PIK3CB: variants seen among roughly 807,000 people sequenced by gnomAD.
PIK3CB encodes the protein phosphatidylinositol 4,5-bisphosphate 3-kinase catalytic subunit beta isoform.
In PIK3CB, 39 loss-of-function variants were observed where a neutral mutation model predicts 136.8. That is an observed-to-expected ratio of 0.29 (90% CI 0.22 to 0.37). PIK3CB has a LOEUF of 0.37. PIK3CB is among the 10% of genes least tolerant of loss of function. The pLI, the probability that PIK3CB is intolerant of heterozygous loss-of-function variation, is 1.00. For synonymous variants in PIK3CB, 428 were observed against 436.6 expected, an observed-to-expected ratio of 0.98 and a Z score of 0.25; for missense variants, 868 against 1,275.4, an observed-to-expected ratio of 0.68 and a Z score of 4.87.
chr3:138,828,184 CTTTTTT>C (rs1176715980), intron 1 of PIK3CB, among the ~76,000 whole-genome samples: 1 of 131,088 alleles, frequency 7.6e-6, no homozygotes, highest in East Asian at 2.1e-4. Flanking sequence ...ATTAAATTTC[CTTTTTT>C]TTTTTTTTTT....
At chr3:138,685,078 G>T in intron 16 of PIK3CB, 1 of 310,310 alleles carries the variant, frequency 3.2e-6, no homozygotes, top group Non-Finnish European at 6.0e-6. Flanking sequence ...TTAGATTATG[G>T]GTACTTAAGA....
intron 8 of PIK3CB, among the ~76,000 whole-genome samples, chr3:138,730,541 C>T (rs1219425686): frequency 6.6e-6 from 1 of 152,096 alleles, no homozygotes; most frequent in African/African-American, 2.4e-5. Context: ...TATATCGATA[C>T]CTATAAATTA....
intron 12 of PIK3CB, among the ~76,000 whole-genome samples, chr3:138,700,946 C>A (rs78871859): frequency 0.023 from 3,538 of 152,164 alleles, 325 homozygotes; most frequent in Admixed American, 0.17. Flanking sequence ...CCCCACAAAA[C>A]CTTTATTTAT....
At chr3:138,759,412 C>A (rs1398121115) in intron 2 of PIK3CB, 53 bp from the exon 3 acceptor site, 2 of 1,260,598 alleles carry the variant, frequency 1.6e-6, no homozygotes, top group African/African-American at 1.5e-5. Context: ...AAATTTTATA[C>A]CAAGATATGA....
At chr3:138,712,097 A>G (rs2044515460) in intron 10 of PIK3CB, 111 bp downstream of exon 10, 2 of 508,882 alleles carry the variant, frequency 3.9e-6, no homozygotes. Context: ...ATAATACAAA[A>G]TGATAATTTT....
intron 4 of PIK3CB, among the ~76,000 whole-genome samples, chr3:138,750,470 T>C (rs1239084973): frequency 6.6e-6 from 1 of 152,162 alleles, no homozygotes; most frequent in Non-Finnish European, 1.5e-5. Flanking sequence ...CAGTTCACAA[T>C]AGGATTCTTC....
intron 8 of PIK3CB, 88 bp downstream of exon 8, chr3:138,733,273 C>A: frequency 1.8e-6 from 1 of 546,670 alleles, no homozygotes; most frequent in South Asian, 2.9e-5. Context: ...GGGTAAAATT[C>A]AATCTCCAAT....
intron 1 of PIK3CB, among the ~76,000 whole-genome samples, chr3:138,807,613 G>A (rs1038216183): frequency 5.9e-5 from 9 of 152,118 alleles, no homozygotes; most frequent in Non-Finnish European, 7.4e-5. Flanking sequence ...TCCAGGTGTG[G>A]TGGGAACAGT....
At chr3:138,774,154 A>T (rs769124252) in intron 2 of PIK3CB, among the ~76,000 whole-genome samples, 2 of 152,242 alleles carry the variant, frequency 1.3e-5, no homozygotes, top group Non-Finnish European at 2.9e-5. Flanking sequence ...GTACAGTTCA[A>T]TGAATTTTTG....
At chr3:138,757,520 C>CACAG (rs1327367316) in intron 3 of PIK3CB, among the ~76,000 whole-genome samples, 1 of 125,252 alleles carries the variant, frequency 8.0e-6, no homozygotes, top group African/African-American at 2.9e-5. Flanking sequence ...CACACACACA[C>CACAG]AGAAAATATG....
Position 138,736,342 on chromosome 3 carries a change from G to C in PIK3CB, c.801+1365C>G, listed in dbSNP as rs560276550. On this transcript the variant is annotated intron_variant, in intron 6 of 23. Transcript: ENST00000674063. ...GGCCACACCAGAAACCTGAGAAGAG[G>C]TGTAACATCATGTTATCTGCTAATA... Among the ~76,000 whole-genome samples, 3 of 152,266 alleles carry C rather than the reference G, an allele frequency of 2.0e-5. No individual in the cohort carries two copies. The South Asian group carries it at 6.2e-4, about 32-fold the overall frequency.
At chr3:138,710,310 C>T (rs1012155252) in intron 10 of PIK3CB, among the ~76,000 whole-genome samples, 2 of 152,126 alleles carry the variant, frequency 1.3e-5, no homozygotes, top group African/African-American at 4.8e-5. Flanking sequence ...AGGACACACA[C>T]ACACACACTA....
In PIK3CB at chr3:138,796,538, A is replaced by T. The variant is rs1373489939; in HGVS notation, c.-92T>A. The T allele has an allele frequency of 6.6e-6, 1 of 152,150 alleles. No homozygotes were observed. Among genetic ancestry groups the T allele is most frequent in the East Asian group, 1.9e-4 (1 of 5,202 alleles). The allele number at this position is 152,150 out of a possible 1,614,324, so 9.4% of individuals were successfully genotyped here. The stretch of plus-strand genomic sequence containing the variant: ...CTTATTTTTTAAAAGTGACGTTTTC[A>T]TGGAAGACTTTTTCCAGTTAAAACA... On this transcript the variant is annotated 5_prime_UTR_variant, in exon 2 of 24. It removes an upstream start codon present in the reference 5' UTR. Coordinates refer to ENST00000674063, the MANE Select transcript of PIK3CB (RefSeq NM_006219.3).
intron 8 of PIK3CB, among the ~76,000 whole-genome samples, chr3:138,732,210 C>T (rs1306927998): frequency 2.6e-5 from 4 of 152,112 alleles, no homozygotes; most frequent in African/African-American, 9.7e-5. Flanking sequence ...ATCTACTTTC[C>T]TAGCAAATTT....
chr3:138,677,396 C>T (rs529793888), intron 19 of PIK3CB, among the ~76,000 whole-genome samples: 1 of 152,012 alleles, frequency 6.6e-6, no homozygotes, highest in Non-Finnish European at 1.5e-5. Flanking sequence ...CATTTTCAGA[C>T]AAAACCCGGA....
chr3:138,820,448 T>C (rs1322329826), intron 1 of PIK3CB, among the ~76,000 whole-genome samples: 1 of 152,236 alleles, frequency 6.6e-6, no homozygotes, highest in East Asian at 1.9e-4. Flanking sequence ...AACTCATTTA[T>C]GTGGTAAAAT....
chr3:138,720,180 C>A (rs930191477), intron 8 of PIK3CB, among the ~76,000 whole-genome samples: 2 of 152,196 alleles, frequency 1.3e-5, no homozygotes, highest in Non-Finnish European at 2.9e-5. Flanking sequence ...ATATCTCCAA[C>A]TAGGTACTTC....
intron 21 of PIK3CB, among the ~76,000 whole-genome samples, chr3:138,662,269 A>C (rs1315597217): frequency 6.9e-4 from 57 of 83,174 alleles, no homozygotes; most frequent in Middle Eastern, 6.3e-3. Flanking sequence ...CGCTCCCCCC[A>C]CCCCGCAACA....
chr3:138,657,856 A>C (rs376504079), intron 21 of PIK3CB, 21 bp from the exon 22 acceptor site: 73 of 1,600,734 alleles, frequency 4.6e-5, no homozygotes, highest in Non-Finnish European at 5.7e-5. Context: ...AATGGGATTT[A>C]ATTTCCTTCA....
Sources: gnomAD v4.1 joint callset for allele counts (sites outside exome capture counted in the v4.1 genomes callset) on GRCh38, gnomAD v4.1.1 for gene constraint, MANE v1.5 for transcripts, NCBI Gene and HGNC (gene_info 2026-07-23, HGNC 2026-07-21) for gene names.